FGD5: variants seen among roughly 807,000 people sequenced by gnomAD.
FGD5 encodes FYVE, RhoGEF and PH domain containing 5.
In FGD5, 28 loss-of-function variants were observed where a neutral mutation model predicts 133.4. The ratio of observed to expected loss-of-function variants is 0.21; its 90% CI spans 0.16 to 0.29. The LOEUF (loss-of-function observed/expected upper bound fraction) is 0.29, where lower values mean the gene tolerates loss of function less well. Among genes scored for constraint, FGD5 ranks in the 10% least tolerant of loss-of-function variants. The pLI, the probability that FGD5 is intolerant of heterozygous loss-of-function variation, is 1.00. For missense variants in FGD5, 1,858 were observed against 1,895.2 expected (o/e 0.98, Z 0.36); for synonymous variants, 810 against 776.5 (o/e 1.04, Z -0.72).
At position 14,923,051 on chromosome 3, in the gene FGD5, G is replaced by C; in HGVS notation, c.3813G>C (p.Val1271=). The C allele has an allele frequency of 1.2e-6, 2 of 1,613,858 alleles. No homozygotes were observed. Among genetic ancestry groups the C allele is most frequent in the Non-Finnish European group, 1.7e-6 (2 of 1,179,846 alleles). The change falls in exon 16 of 20, where the codon GTG becomes GTC. Residue 1271 remains valine (V), a synonymous_variant. Coordinates refer to ENST00000285046, the MANE Select transcript of FGD5 (RefSeq NM_152536.4). The part of the protein sequence containing the change: ...RHHCHACGKI[V]CRNCSRNKYP... ...CTTCCCACCTGGGCCTGCAGATCGT[G>C]TGCCGGAACTGTTCGCGGAACAAGT...
Position 14,820,052 on chromosome 3 carries a change from T to C in FGD5, c.981T>C (p.Ile327=). 1 of 1,614,022 alleles carries C rather than the reference T, an allele frequency of 6.2e-7. No homozygotes were observed. The highest frequency in any genetic ancestry group is 8.5e-7 in the Non-Finnish European group (1 of 1,179,886). The change falls in exon 1 of 20, where the codon ATT becomes ATC. Residue 327 remains isoleucine (I), a synonymous_variant. Coordinates refer to ENST00000285046, the MANE Select transcript of FGD5 (RefSeq NM_152536.4). ...AGTCCGCCGAGGAGAGCTGCCAGAT[T>C]GTCCCTTTTGAGAATGACTGCATGG... The part of the protein sequence containing the change: ...QDESAEESCQ[I]VPFENDCMED...
intron 17 of FGD5, among the ~76,000 whole-genome samples, chr3:14,924,809 A>G (rs1448544055): frequency 6.6e-6 from 1 of 152,230 alleles, no homozygotes; most frequent in African/African-American, 2.4e-5. Flanking sequence ...AATCTTGGAA[A>G]TCACACATAC....
chr3:14,841,787 G>T (rs553233970), intron 1 of FGD5, among the ~76,000 whole-genome samples: 1 of 152,260 alleles, frequency 6.6e-6, no homozygotes, highest in East Asian at 1.9e-4. Flanking sequence ...CACCTCTCCT[G>T]CCTGCTTCCT....
At chr3:14,931,099 AC>A (rs1442326086) in intron 18 of FGD5, 3 of 152,208 alleles carry the variant, frequency 2.0e-5, no homozygotes, top group African/African-American at 7.2e-5. Context: ...GAGAGTGAAC[AC>A]CATTCTTGCC....
At chr3:14,891,080 T>G (rs1323810384) in intron 4 of FGD5, among the ~76,000 whole-genome samples, 1 of 152,048 alleles carries the variant, frequency 6.6e-6, no homozygotes, top group African/African-American at 2.4e-5. Context: ...ACAAGAGAGA[T>G]CGTTGCCCTC....
intron 4 of FGD5, among the ~76,000 whole-genome samples, chr3:14,888,760 C>T (rs532535202): frequency 1.3e-5 from 2 of 152,260 alleles, no homozygotes; most frequent in African/African-American, 4.8e-5. Flanking sequence ...TTTGAAAGAT[C>T]AGCAAGATGT....
chr3:14,914,605 G>T lies in FGD5; in HGVS notation c.3406-2644G>T, dbSNP rs560729375. On this transcript the variant is annotated intron_variant, in intron 11 of 19. Transcript: ENST00000285046. Reference sequence around the variant, plus strand: ...CCCTAGTGACATAGGTCAGTTCCCTGGGTCTGGGAGGGTTCATGGGCAAGG... The same window carrying T: ...CCCTAGTGACATAGGTCAGTTCCCTTGGTCTGGGAGGGTTCATGGGCAAGG... Among the ~76,000 whole-genome samples, 10 of 152,284 alleles carry T rather than the reference G, an allele frequency of 6.6e-5. No individual in the cohort carries two copies. The South Asian group carries it at 2.1e-3, about 32-fold the overall frequency.
upstream of FGD5, among the ~76,000 whole-genome samples, chr3:14,815,999 G>A (rs774293066): frequency 5.3e-5 from 8 of 152,304 alleles, no homozygotes; most frequent in Non-Finnish European, 1.0e-4. Flanking sequence ...AGCACTCTGC[G>A]CCTGGGGCTG....
intron 7 of FGD5, among the ~76,000 whole-genome samples, chr3:14,899,408 A>T (rs1461869942): frequency 2.6e-5 from 4 of 151,936 alleles, no homozygotes; most frequent in African/African-American, 9.7e-5. Context: ...GCCTGCTGGA[A>T]ACACCCACTC....
intron 1 of FGD5, among the ~76,000 whole-genome samples, chr3:14,812,004 GTGT>G (rs1479334474): frequency 8.2e-5 from 4 of 48,764 alleles, no homozygotes; most frequent in Non-Finnish European, 1.0e-4. Flanking sequence ...TCCTGCTGGT[GTGT>G]GTGTGTGTGT....
intron 1 of FGD5, among the ~76,000 whole-genome samples, chr3:14,853,173 G>A (rs986656554): frequency 7.2e-5 from 11 of 152,182 alleles, no homozygotes; most frequent in Non-Finnish European, 1.5e-4. Context: ...TGCAAAGATT[G>A]CAATGTCCCT....
intron 1 of FGD5, among the ~76,000 whole-genome samples, chr3:14,854,293 T>C (rs1239804545): frequency 6.6e-6 from 1 of 152,174 alleles, no homozygotes; most frequent in Non-Finnish European, 1.5e-5. Context: ...GGTGGGACCA[T>C]AGTACTCCTG....
intron 11 of FGD5, among the ~76,000 whole-genome samples, chr3:14,911,979 A>C (rs901702851): frequency 4.6e-5 from 7 of 151,946 alleles, no homozygotes; most frequent in African/African-American, 1.7e-4. Flanking sequence ...AGGTGCACCA[A>C]GGAAGGGCAT....
intron 1 of FGD5, among the ~76,000 whole-genome samples, chr3:14,821,897 C>T (rs1050608278): frequency 2.6e-5 from 4 of 152,078 alleles, no homozygotes; most frequent in Non-Finnish European, 5.9e-5. Context: ...GTCAAGAGAT[C>T]GAGACCATCC....
At chr3:14,876,972 C>T (rs2037732225) in intron 2 of FGD5, among the ~76,000 whole-genome samples, 1 of 152,192 alleles carries the variant, frequency 6.6e-6, no homozygotes, top group African/African-American at 2.4e-5. Context: ...TGCTGGGGAC[C>T]AGGGAGGAGG....
At chr3:14,859,124 TTTGA>T (rs1247878045) in intron 1 of FGD5, among the ~76,000 whole-genome samples, 1 of 152,270 alleles carries the variant, frequency 6.6e-6, no homozygotes, top group African/African-American at 2.4e-5. Context: ...TACTATAATT[TTTGA>T]TTGACAAATC....
chr3:14,890,983 G>T (rs993393579), intron 4 of FGD5, among the ~76,000 whole-genome samples: 2 of 152,168 alleles, frequency 1.3e-5, no homozygotes, highest in East Asian at 3.8e-4. Flanking sequence ...TTGCCCAGTC[G>T]TCCAATACCC....
intron 1 of FGD5, among the ~76,000 whole-genome samples, chr3:14,839,955 AACAAAC>A (rs1232193687): frequency 1.3e-5 from 2 of 151,616 alleles, no homozygotes; most frequent in Non-Finnish European, 2.9e-5. Flanking sequence ...CAAACAAACA[AACAAAC>A]AAACAGTGTT....
At chr3:14,816,303 G>A (rs550087400), upstream of FGD5, among the ~76,000 whole-genome samples, 5 of 152,252 alleles carry the variant, frequency 3.3e-5, no homozygotes, top group Non-Finnish European at 7.4e-5. Flanking sequence ...ATAATTTCGT[G>A]CCAATGCCTG....
Sources: allele counts gnomAD v4.1 joint callset (sites outside exome capture counted in the v4.1 genomes callset), GRCh38; gene constraint gnomAD v4.1.1; transcripts MANE v1.5; gene names NCBI Gene and HGNC (gene_info 2026-07-23, HGNC 2026-07-21).